MBOAT1: variants seen among roughly 807,000 people sequenced by gnomAD.
MBOAT1 encodes the protein membrane-bound glycerophospholipid O-acyltransferase 1.
In MBOAT1, 67 loss-of-function variants were observed where a neutral mutation model predicts 64.4. The ratio of observed to expected loss-of-function variants is 1.04; its 90% CI spans 0.85 to 1.27. MBOAT1 has a LOEUF of 1.27. Among genes scored for constraint, MBOAT1 ranks in the 50% most tolerant of loss-of-function variants. MBOAT1 has a pLI of 0.00. For synonymous variants in MBOAT1, 229 were observed against 218.9 expected (o/e 1.05, Z -0.41); for missense variants, 563 against 604.6 (o/e 0.93, Z 0.72).
chr6:20,134,834 G>A (rs1313672548), intron 4 of MBOAT1, among the ~76,000 whole-genome samples: 3 of 139,400 alleles, frequency 2.2e-5, no homozygotes, highest in Non-Finnish European at 4.5e-5. Flanking sequence ...TATCATCTAT[G>A]TCATACTTCA....
intron 1 of MBOAT1, among the ~76,000 whole-genome samples, chr6:20,198,052 C>T (rs1435760696): frequency 1.3e-5 from 2 of 151,280 alleles, no homozygotes; most frequent in African/African-American, 2.4e-5. Context: ...ATGGTGAAAC[C>T]CCATTTCTAC....
At chr6:20,178,771 AC>A (rs1762426469) in intron 1 of MBOAT1, among the ~76,000 whole-genome samples, 1 of 152,180 alleles carries the variant, frequency 6.6e-6, no homozygotes, top group Non-Finnish European at 1.5e-5. Flanking sequence ...GAGCTCTGTG[AC>A]AAGCACACCA....
chr6:20,159,542 C>A (rs1761787493), intron 1 of MBOAT1, among the ~76,000 whole-genome samples: 1 of 151,984 alleles, frequency 6.6e-6, no homozygotes, highest in South Asian at 2.1e-4. Flanking sequence ...GAGACAAATA[C>A]CGTATGATCT....
chr6:20,161,965 T>G (rs1054175794), intron 1 of MBOAT1, among the ~76,000 whole-genome samples: 7 of 152,044 alleles, frequency 4.6e-5, no homozygotes, highest in Non-Finnish European at 8.8e-5. Flanking sequence ...GTCGGCAGGG[T>G]TGGTTTCTTC....
chr6:20,203,993 GT>G (rs1467209152), intron 1 of MBOAT1, among the ~76,000 whole-genome samples: 1 of 152,184 alleles, frequency 6.6e-6, no homozygotes, highest in East Asian at 1.9e-4. Flanking sequence ...CAGCCTTGCT[GT>G]TTTACAGATG....
intron 1 of MBOAT1, among the ~76,000 whole-genome samples, chr6:20,209,559 T>A (rs973190263): frequency 2.6e-5 from 4 of 152,196 alleles, no homozygotes; most frequent in Non-Finnish European, 5.9e-5. Context: ...CTAAAGACAT[T>A]CACAGGAGTG....
At position 20,174,083 on chromosome 6, in the gene MBOAT1, A is replaced by T. The variant is rs553773208; in HGVS notation, c.100-21314T>A. On this transcript the variant is annotated intron_variant, in intron 1 of 12. Coordinates refer to ENST00000324607, the MANE Select transcript of MBOAT1 (RefSeq NM_001080480.3). ...TATAAAGCTCAGATAAGGTCTTAGC[A>T]CCGACCACACAGTGTAAACAATAAA... Among the ~76,000 whole-genome samples the T allele has an allele frequency of 2.6e-5, 4 of 152,334 alleles. No individual in the cohort carries two copies. In the South Asian group the frequency reaches 8.3e-4, roughly 32 times the overall value.
At chr6:20,141,732 G>A (rs1333274249) in intron 4 of MBOAT1, among the ~76,000 whole-genome samples, 1 of 152,002 alleles carries the variant, frequency 6.6e-6, no homozygotes, top group Non-Finnish European at 1.5e-5. Flanking sequence ...CTGGAGACGG[G>A]GCAGGGCAAA....
Position 20,149,861 on chromosome 6 carries a change from T to C in MBOAT1, c.323+1324A>G, listed in dbSNP as rs538578251. Among the ~76,000 whole-genome samples, 56 of 152,328 alleles carry C rather than the reference T, an allele frequency of 3.7e-4. 2 individuals carry two copies. The South Asian group carries it at 0.012, about 32-fold the overall frequency. ...GCTAATAGTGATTAATCAAATGGCT[T>C]TCTGAAGCTGAAATAAGGCACCTGC... On this transcript the variant is annotated intron_variant, in intron 3 of 12. Coordinates refer to ENST00000324607, the MANE Select transcript of MBOAT1 (RefSeq NM_001080480.3).
At chr6:20,194,483 C>T (rs1457276932) in intron 1 of MBOAT1, among the ~76,000 whole-genome samples, 3 of 152,156 alleles carry the variant, frequency 2.0e-5, no homozygotes, top group African/African-American at 4.8e-5. Flanking sequence ...TAGAAACCCT[C>T]GATCGAGATT....
chr6:20,152,866 T>G, intron 1 of MBOAT1, 97 bp from the exon 2 acceptor site: 1 of 1,372,114 alleles, frequency 7.3e-7, no homozygotes, highest in Non-Finnish European at 9.8e-7. Context: ...GGAGTCTCGT[T>G]CTGTCGCCCA....
chr6:20,203,655 T>C (rs1048400773), intron 1 of MBOAT1, among the ~76,000 whole-genome samples: 14 of 152,172 alleles, frequency 9.2e-5, no homozygotes, highest in African/African-American at 3.4e-4. Context: ...CGAAGATTCA[T>C]CTTCAGTGGT....
chr6:20,141,355 TTTTC>T (rs1315095320), intron 4 of MBOAT1, among the ~76,000 whole-genome samples: 4 of 101,680 alleles, frequency 3.9e-5, no homozygotes, highest in Admixed American at 1.5e-4. Context: ...TTCTTTTTCT[TTTTC>T]TTTTTTTTTT....
chr6:20,100,748 A>T lies in MBOAT1; in HGVS notation c.*1538T>A, dbSNP rs1417680626. ...ATACTGTTTATTCAATAAGAAATTA[A>T]TTTTTTATCGTTGGATTTGAATAAA... On this transcript the variant is annotated 3_prime_UTR_variant, in exon 13 of 13. Coordinates refer to ENST00000324607, the MANE Select transcript of MBOAT1 (RefSeq NM_001080480.3). Among the ~76,000 whole-genome samples the T allele has an allele frequency of 1.3e-5, 2 of 152,170 alleles. No individual in the cohort carries two copies. The highest frequency in any genetic ancestry group is 4.8e-5 in the African/African-American group (2 of 41,436).
intron 9 of MBOAT1, among the ~76,000 whole-genome samples, chr6:20,117,586 T>C (rs1332195662): frequency 6.6e-6 from 1 of 152,230 alleles, no homozygotes; most frequent in Non-Finnish European, 1.5e-5. Flanking sequence ...TCTGGCCTAG[T>C]TTCCACCCAA....
chr6:20,168,502 AGAGAGGAGAG>A (rs1226993180), intron 1 of MBOAT1, among the ~76,000 whole-genome samples: 1 of 92,838 alleles, frequency 1.1e-5, no homozygotes, highest in Admixed American at 1.1e-4. Context: ...AGAGAGAGAG[AGAGAGGAGAG>A]GAGAGGAGAG....
At chr6:20,166,480 G>C (rs1762017875) in intron 1 of MBOAT1, among the ~76,000 whole-genome samples, 1 of 152,086 alleles carries the variant, frequency 6.6e-6, no homozygotes, top group East Asian at 1.9e-4. Context: ...CCCAGCTCAG[G>C]CCTTTGGGGA....
intron 1 of MBOAT1, among the ~76,000 whole-genome samples, chr6:20,172,905 G>A (rs1352628398): frequency 1.3e-5 from 2 of 151,978 alleles, no homozygotes; most frequent in African/African-American, 2.4e-5. Context: ...TGTTGGAGGT[G>A]GGGCCTGGTG....
At chr6:20,131,681 G>A (rs2113661273) in intron 4 of MBOAT1, among the ~76,000 whole-genome samples, 1 of 152,288 alleles carries the variant, frequency 6.6e-6, no homozygotes, top group South Asian at 2.1e-4. Context: ...TCATCTCGAA[G>A]TTTATTAAAT....
Sources: allele counts gnomAD v4.1 joint callset (sites outside exome capture counted in the v4.1 genomes callset), GRCh38; gene constraint gnomAD v4.1.1; transcripts MANE v1.5; gene names NCBI Gene and HGNC (gene_info 2026-07-23, HGNC 2026-07-21).